The following NAA11 variants were observed in gnomAD, a reference collection of about 807,000 sequenced individuals.
NAA11 encodes the protein N-alpha-acetyltransferase 11, NatA catalytic subunit, also known as N-alpha-acetyltransferase 11.
Under a neutral mutation model 16.1 loss-of-function variants are expected in NAA11, and 15 were observed. The observed-to-expected ratio is 0.93, with a 90% CI of 0.62 to 1.44. NAA11 has a LOEUF of 1.44. Ranked by LOEUF, NAA11 falls within the 40% of genes most tolerant of loss-of-function variation. The probability of loss-of-function intolerance (pLI) is 0.00; values close to 1 mark genes in which losing one functional copy is unlikely to be tolerated. For synonymous variants in NAA11, 122 were observed against 112.4 expected (o/e 1.09, Z -0.54); for missense variants, 298 against 291.3 (o/e 1.02, Z -0.17).
chr4:79,230,581 A>G (rs1178833134), intron 2 of NAA11, among the ~76,000 whole-genome samples: 1 of 152,032 alleles, frequency 6.6e-6, no homozygotes, highest in Non-Finnish European at 1.5e-5. Flanking sequence ...ATAGCTAAAA[A>G]TGAGGTTGGT....
At chr4:79,296,304 A>G (rs1723219965) in intron 1 of NAA11, among the ~76,000 whole-genome samples, 2 of 152,252 alleles carry the variant, frequency 1.3e-5, no homozygotes, top group African/African-American at 2.4e-5. Context: ...AGAGTTACAC[A>G]GCTTAAAACT....
At chr4:79,300,769 G>C (rs1723361708) in intron 1 of NAA11, among the ~76,000 whole-genome samples, 1 of 152,170 alleles carries the variant, frequency 6.6e-6, no homozygotes, top group South Asian at 2.1e-4. Flanking sequence ...GTTTTGAATA[G>C]GGAAAGAATG....
At chr4:79,285,016 G>C (rs1578178495) in intron 2 of NAA11, among the ~76,000 whole-genome samples, 1 of 151,792 alleles carries the variant, frequency 6.6e-6, no homozygotes, top group Admixed American at 6.6e-5. Context: ...TTCTTTAGTG[G>C]GGTGCATTTA....
intron 2 of NAA11, among the ~76,000 whole-genome samples, chr4:79,250,330 G>C (rs1001548637): frequency 1.3e-5 from 2 of 152,352 alleles, no homozygotes. Context: ...AGCGGGCCCC[G>C]CTCCCATGGC....
At chr4:79,305,792 A>G (rs1395275352) in intron 1 of NAA11, among the ~76,000 whole-genome samples, 1 of 152,210 alleles carries the variant, frequency 6.6e-6, no homozygotes, top group African/African-American at 2.4e-5. Context: ...GTATATTGAA[A>G]GACTCTCAAA....
the NAA11 span, among the ~76,000 whole-genome samples, chr4:79,189,164 A>AAAAAAAAAAAAAAAAAT: frequency 6.8e-6 from 1 of 148,046 alleles, no homozygotes; most frequent in African/African-American, 2.5e-5. Context: ...AAAAAAAAAA[A>AAAAAAAAAAAAAAAAAT]CTTATGAAGG....
the NAA11 span, among the ~76,000 whole-genome samples, chr4:79,168,951 T>C: frequency 1.3e-5 from 2 of 152,240 alleles, no homozygotes; most frequent in South Asian, 4.1e-4. Flanking sequence ...AGCATTCCTA[T>C]ACACCAATAA....
intron 1 of NAA11, among the ~76,000 whole-genome samples, chr4:79,308,962 C>G (rs778573020): frequency 4.6e-5 from 7 of 152,086 alleles, no homozygotes; most frequent in Admixed American, 2.6e-4. Context: ...TCCAATTCAA[C>G]TTGGTTTGTG....
chr4:79,159,652 C>A, the NAA11 span, among the ~76,000 whole-genome samples: 3 of 152,092 alleles, frequency 2.0e-5, no homozygotes, highest in Non-Finnish European at 4.4e-5. Flanking sequence ...TTTTTAAAAG[C>A]AATGGCAAAA....
At chr4:79,161,313 G>A in the NAA11 span, among the ~76,000 whole-genome samples, 6 of 152,032 alleles carry the variant, frequency 3.9e-5, no homozygotes, top group African/African-American at 1.4e-4. Flanking sequence ...TGGAGCCCTT[G>A]TCAAAAGTCT....
intron 2 of NAA11, among the ~76,000 whole-genome samples, chr4:79,251,205 G>A (rs1336620371): frequency 6.6e-6 from 1 of 152,106 alleles, no homozygotes; most frequent in Non-Finnish European, 1.5e-5. Flanking sequence ...ATTAACAATA[G>A]GAAACACATG....
chr4:79,298,188 C>T (rs1578185326), intron 1 of NAA11, among the ~76,000 whole-genome samples: 2 of 152,336 alleles, frequency 1.3e-5, no homozygotes, highest in East Asian at 3.9e-4. Flanking sequence ...GCAGGTCTCC[C>T]CTGAGCTGTT....
At chr4:79,201,991 TAATC>T in the NAA11 span, among the ~76,000 whole-genome samples, 2 of 151,736 alleles carry the variant, frequency 1.3e-5, no homozygotes, top group Admixed American at 1.3e-4. Flanking sequence ...CATTATATGA[TAATC>T]AAATCAGGGT....
chr4:79,295,519 C>G (rs930256263), intron 1 of NAA11, among the ~76,000 whole-genome samples: 1 of 152,136 alleles, frequency 6.6e-6, no homozygotes, highest in Non-Finnish European at 1.5e-5. Flanking sequence ...CACAATAGTA[C>G]TCCAGAGTTT....
At chr4:79,206,471 A>C in the NAA11 span, among the ~76,000 whole-genome samples, 1 of 152,138 alleles carries the variant, frequency 6.6e-6, no homozygotes, top group Non-Finnish European at 1.5e-5. Flanking sequence ...TGCTAGCCGT[A>C]ATAGAGAAAT....
Position 79,284,857 on chromosome 4 carries a change from C to T in NAA11, c.*122+9148G>A, listed in dbSNP as rs1359968976. On this transcript the variant is annotated intron_variant and NMD_transcript_variant, in intron 2 of 2. Coordinates refer to the NAA11 transcript ENST00000511542. ...ACTGCAGTCCGCAGTCCCACCTGGG[C>T]GACAGAGCGAGACTCCGTCTCAAAA... Among the ~76,000 whole-genome samples the T allele has an allele frequency of 9.3e-5, 2 of 21,426 alleles. 1 individual carries two copies. Among genetic ancestry groups the T allele is most frequent in the Non-Finnish European group, 1.5e-4 (2 of 13,304 alleles). The allele number at this position is 21,426 out of a possible 152,430, so 14.1% of individuals were successfully genotyped here.
intron 1 of NAA11, among the ~76,000 whole-genome samples, chr4:79,311,378 CT>C (rs1216659654): frequency 5.3e-5 from 8 of 152,046 alleles, no homozygotes; most frequent in Non-Finnish European, 1.2e-4. Context: ...GTCATAAAGT[CT>C]TTTTTTCACC....
chr4:79,157,660 A>G, the NAA11 span, among the ~76,000 whole-genome samples: 1 of 151,778 alleles, frequency 6.6e-6, no homozygotes, highest in Non-Finnish European at 1.5e-5. Flanking sequence ...TTGGCATAAA[A>G]GGGACATACC....
the NAA11 span, among the ~76,000 whole-genome samples, chr4:79,213,530 T>G: frequency 6.7e-6 from 1 of 150,180 alleles, no homozygotes; most frequent in African/African-American, 2.4e-5. Flanking sequence ...AGGAAGCTTT[T>G]GTTTTACATT....
Sources: allele counts gnomAD v4.1 joint callset (sites outside exome capture counted in the v4.1 genomes callset), GRCh38; gene constraint gnomAD v4.1.1; transcripts MANE v1.5; gene names NCBI Gene and HGNC (gene_info 2026-07-23, HGNC 2026-07-21).